SLC38A9: variants seen among roughly 807,000 people sequenced by gnomAD.
The protein encoded by SLC38A9 is neutral amino acid transporter 9.
A neutral mutation model predicts 62.3 loss-of-function variants in SLC38A9; 48 were observed. The ratio of observed to expected loss-of-function variants is 0.77; its 90% CI spans 0.61 to 0.98. SLC38A9 has a LOEUF of 0.98. SLC38A9 is among the 50% of genes least tolerant of loss of function. The pLI is 0.00. For synonymous variants in SLC38A9, 204 were observed against 227.7 expected (o/e 0.90, Z 0.94); for missense variants, 541 against 679.8 (o/e 0.80, Z 2.27).
At chr5:55,693,018 T>G in intron 3 of SLC38A9, 1 of 984,210 alleles carries the variant, frequency 1.0e-6, no homozygotes, top group Non-Finnish European at 1.2e-6. Context: ...AATAGGATTA[T>G]CAAGATTAGC....
At chr5:55,654,799 C>T (rs1436494398) in intron 9 of SLC38A9, among the ~76,000 whole-genome samples, 1 of 152,118 alleles carries the variant, frequency 6.6e-6, no homozygotes, top group Non-Finnish European at 1.5e-5. Flanking sequence ...AATGCAATGC[C>T]TGCACACAGG....
At position 55,697,913 on chromosome 5, in the gene SLC38A9, C is replaced by G. The variant is rs1756134823; in HGVS notation, c.46G>C (p.Val16Leu). 6.2e-7 allele frequency: 1 copy of G among 1,604,430 alleles called. No homozygotes were observed. Among genetic ancestry groups the G allele is most frequent in the Admixed American group, 1.7e-5 (1 of 57,960 alleles). Residue 16 changes from valine to leucine, a missense_variant, in exon 3 of 16, where the codon GTA becomes CTA. Coordinates refer to ENST00000396865, the MANE Select transcript of SLC38A9 (RefSeq NM_173514.4). ...SDSRHLGTSE[V>L]DHERDPGPMN... Reference sequence around the variant, plus strand: ...GGTCCAGGATCTCTTTCATGATCTACCTCAGAGGTGCCAAGATGCCTAGAA... The same window carrying G: ...GGTCCAGGATCTCTTTCATGATCTAGCTCAGAGGTGCCAAGATGCCTAGAA...
At chr5:55,699,264 AT>A (rs1228819409) in intron 2 of SLC38A9, among the ~76,000 whole-genome samples, 1 of 152,178 alleles carries the variant, frequency 6.6e-6, no homozygotes, top group East Asian at 1.9e-4. Flanking sequence ...AAAAAAATAA[AT>A]AAAAAAACAC....
chr5:55,704,092 A>G (rs1757001989), intron 2 of SLC38A9: 1 of 152,326 alleles, frequency 6.6e-6, no homozygotes, highest in African/African-American at 2.4e-5. Flanking sequence ...AGTTGGAGCA[A>G]GAGGGTTTGA....
chr5:55,700,099 C>T (rs1473600909), intron 2 of SLC38A9, among the ~76,000 whole-genome samples: 4 of 94,064 alleles, frequency 4.3e-5, no homozygotes, highest in South Asian at 4.3e-4. Context: ...CAACACTTTG[C>T]GGGGGTCGAG....
intron 8 of SLC38A9, among the ~76,000 whole-genome samples, chr5:55,661,731 A>G (rs182644085): frequency 1.9e-4 from 29 of 152,280 alleles, no homozygotes; most frequent in African/African-American, 6.5e-4. Context: ...AATAACACAG[A>G]GCTACCATAT....
intron 3 of SLC38A9, among the ~76,000 whole-genome samples, chr5:55,684,864 G>C (rs11739170): frequency 6.6e-6 from 1 of 151,896 alleles, no homozygotes; most frequent in Non-Finnish European, 1.5e-5. Flanking sequence ...ATGTTGGCCA[G>C]GCTAGTCTCG....
intron 11 of SLC38A9, 63 bp from the exon 12 acceptor site, chr5:55,645,958 A>G (rs747019952): frequency 9.0e-5 from 90 of 1,005,236 alleles, no homozygotes; most frequent in Middle Eastern, 2.1e-4. Context: ...ATTGGTAGCC[A>G]AAAGTTGACT....
chr5:55,709,490 G>C (rs941369572), intron 2 of SLC38A9, among the ~76,000 whole-genome samples: 1 of 151,820 alleles, frequency 6.6e-6, no homozygotes, highest in Non-Finnish European at 1.5e-5. Context: ...GCTGAAGCAA[G>C]AGGATTGCTT....
At chr5:55,639,420 T>A (rs573027642) in intron 12 of SLC38A9, among the ~76,000 whole-genome samples, 109 of 152,324 alleles carry the variant, frequency 7.2e-4, no homozygotes, top group South Asian at 3.9e-3. Context: ...TAGGAGTTTG[T>A]TTCTTTCTTT....
intron 14 of SLC38A9, among the ~76,000 whole-genome samples, chr5:55,630,612 G>A (rs547706853): frequency 9.9e-5 from 15 of 151,890 alleles, no homozygotes; most frequent in Non-Finnish European, 1.5e-4. Flanking sequence ...CACCACGAAC[G>A]GCTAAATTAA....
chr5:55,704,433 C>G (rs1757041351), intron 2 of SLC38A9: 1 of 152,094 alleles, frequency 6.6e-6, no homozygotes, highest in African/African-American at 2.4e-5. Flanking sequence ...ATTCAGGAAA[C>G]TCTGAAACAC....
chr5:55,657,632 A>C (rs981753932), intron 8 of SLC38A9, among the ~76,000 whole-genome samples: 1 of 152,182 alleles, frequency 6.6e-6, no homozygotes, highest in Non-Finnish European at 1.5e-5. Flanking sequence ...AGCATTCATC[A>C]TTCTACAGTG....
At chr5:55,657,009 C>T (rs1748573433) in intron 8 of SLC38A9, among the ~76,000 whole-genome samples, 1 of 152,056 alleles carries the variant, frequency 6.6e-6, no homozygotes, top group South Asian at 2.1e-4. Context: ...TACAAGCGCC[C>T]ACCACCACCC....
intron 4 of SLC38A9, among the ~76,000 whole-genome samples, chr5:55,670,858 T>C (rs73113683): frequency 0.029 from 4,365 of 152,056 alleles, 78 homozygotes; most frequent in African/African-American, 0.044. Flanking sequence ...CAACTACTGA[T>C]GTCAAGGCCT....
intron 3 of SLC38A9, among the ~76,000 whole-genome samples, chr5:55,686,162 G>A (rs559885773): frequency 3.3e-5 from 5 of 151,628 alleles, no homozygotes; most frequent in Admixed American, 2.0e-4. Context: ...TTGCTGGGTC[G>A]AATGGTATTT....
At chr5:55,669,946 T>A in intron 4 of SLC38A9, 67 bp from the exon 5 acceptor site, 2 of 1,445,544 alleles carry the variant, frequency 1.4e-6, no homozygotes, top group Non-Finnish European at 1.9e-6. Context: ...TTGTTACACA[T>A]CAGAACACCT....
intron 12 of SLC38A9, among the ~76,000 whole-genome samples, chr5:55,636,738 C>T (rs1031175682): frequency 3.3e-5 from 5 of 152,154 alleles, no homozygotes; most frequent in Non-Finnish European, 7.3e-5. Context: ...TATGAGAAAT[C>T]TTAAGGTCAG....
chr5:55,653,920 G>T (rs1747964828), intron 9 of SLC38A9, among the ~76,000 whole-genome samples: 1 of 152,218 alleles, frequency 6.6e-6, no homozygotes, highest in Non-Finnish European at 1.5e-5. Flanking sequence ...GCCTCCCAAA[G>T]TGCTGGGATT....
Sources: gnomAD v4.1 joint callset for allele counts (sites outside exome capture counted in the v4.1 genomes callset) on GRCh38, gnomAD v4.1.1 for gene constraint, MANE v1.5 for transcripts, NCBI Gene and HGNC (gene_info 2026-07-23, HGNC 2026-07-21) for gene names.